DNAH10: variants seen among roughly 807,000 people sequenced by gnomAD.
DNAH10 encodes axonemal beta dynein heavy chain 10.
Under a neutral mutation model 506.6 loss-of-function variants are expected in DNAH10, and 348 were observed. That is an observed-to-expected ratio of 0.69 (90% confidence interval 0.63 to 0.75). The LOEUF is 0.75. Among genes scored for constraint, DNAH10 ranks in the 30% least tolerant of loss-of-function variants. DNAH10 has a pLI of 0.00. For missense variants in DNAH10, 5,179 were observed against 5,787.1 expected (o/e 0.89, Z 3.41); for synonymous variants, 2,059 against 2,198.6 (o/e 0.94, Z 1.78).
intron 47 of DNAH10, among the ~76,000 whole-genome samples, chr12:123,876,810 A>G (rs917167450): frequency 1.3e-5 from 2 of 151,954 alleles, no homozygotes; most frequent in African/African-American, 4.8e-5. Flanking sequence ...AAAAATATGA[A>G]ACATTAGCCA....
At chr12:123,929,172 G>GTC in intron 70 of DNAH10, 103 bp from the exon 71 acceptor site, 3 of 1,210,388 alleles carry the variant, frequency 2.5e-6, no homozygotes, top group Non-Finnish European at 3.5e-6. Context: ...CAGACAGATG[G>GTC]CTCCGTAGAG....
intron 4 of DNAH10, 120 bp downstream of exon 4, chr12:123,773,062 C>A: frequency 1.5e-6 from 1 of 672,970 alleles, no homozygotes; most frequent in Non-Finnish European, 2.5e-6. Flanking sequence ...AGCTCTCTTT[C>A]TTTTCCATAC....
rs1420399934 is a variant in DNAH10, at chr12:123,903,078, G to A, written c.9780G>A (p.Leu3260=). 3.1e-6 allele frequency: 5 copies of A among 1,611,888 alleles called. No homozygotes were observed. Among genetic ancestry groups the A allele is most frequent in the Non-Finnish European group, 4.2e-6 (5 of 1,179,038 alleles). ...MPILEAAKLE[L]QKLDKSDVTE... is the part of the protein sequence containing the mutation. ...TCCTGGAGGCCGCCAAGCTGGAACT[G>A]CAGAAGCTGGACAAGTCGGACGTGA... The change falls in exon 57 of 79, where the codon CTG becomes CTA. Residue 3260 remains leucine, a synonymous_variant. Coordinates refer to ENST00000673944, the MANE Select transcript of DNAH10 (RefSeq NM_001372106.1). This position sits in a 1 kb window ranked among gnomAD's most constrained non-coding sequence, Gnocchi z 4.6.
chr12:123,850,750 GAA>G lies in DNAH10; in HGVS notation c.6103-134_6103-133del. 2.2e-6 allele frequency: 2 copies of G among 928,250 alleles called. No homozygotes were observed. Among genetic ancestry groups the G allele is most frequent in the Non-Finnish European group, 3.1e-6 (2 of 640,160 alleles). The allele number at this position is 928,250 out of a possible 1,614,324, so 57.5% of individuals were successfully genotyped here. A position where few individuals can be genotyped will look rare whatever the true frequency, so the allele number is the denominator to read the frequency against. ...GGCCCTGCATTGAACACCGGGGAGGGAAAAAGAGACAAGTGGTGTTGTCAGCC... is the reference window on the plus strand; with the variant it reads ...GGCCCTGCATTGAACACCGGGGAGGGAAAGAGACAAGTGGTGTTGTCAGCC... On this transcript the variant is annotated intron_variant, in intron 34 of 78. Coordinates refer to ENST00000673944, the MANE Select transcript of DNAH10 (RefSeq NM_001372106.1). This position sits in a 1 kb window ranked among gnomAD's most constrained non-coding sequence, Gnocchi z 5.5.
At position 123,846,220 on chromosome 12, in the gene DNAH10, A is replaced by G; in HGVS notation, c.5814+66A>G. ...GGGCGGGGCATTTTCTCTAAGCTTG[A>G]GGTGTGATGACTGCAGTGATTGAAA... is the stretch of plus-strand genomic sequence containing the variant. On this transcript the variant is annotated intron_variant, in intron 32 of 78. Coordinates refer to ENST00000673944, the MANE Select transcript of DNAH10 (RefSeq NM_001372106.1). This position sits in a 1 kb window ranked among gnomAD's most constrained non-coding sequence, Gnocchi z 4.5. The G allele has an allele frequency of 3.9e-6, 6 of 1,533,104 alleles. No individual in the cohort carries two copies. Among genetic ancestry groups the G allele is most frequent in the Middle Eastern group, 2.0e-4 (1 of 4,906 alleles). 95.0% of individuals were successfully genotyped at this position (1,533,104 alleles called of 1,614,324 possible).
intron 35 of DNAH10, 40 bp downstream of exon 35, chr12:123,851,116 T>C (rs750898341): frequency 2.6e-6 from 4 of 1,530,218 alleles, no homozygotes; most frequent in Non-Finnish European, 2.6e-6. Context: ...CAGTGCAGAC[T>C]TCACCCGGGT....
chr12:123,909,371 C>G lies in DNAH10; in HGVS notation c.9926C>G (p.Pro3309Arg). Reference sequence around the variant, plus strand: ...ACAGCCAAGGGCGTGATGTCCGACCCGAATTTCCTGCGGTCTCTGATGGAG... The same window carrying G: ...ACAGCCAAGGGCGTGATGTCCGACCGGAATTTCCTGCGGTCTCTGATGGAG... Reference protein sequence around the residue: ...WKTAKGVMSDPNFLRSLMEID... With the variant: ...WKTAKGVMSDRNFLRSLMEID... The change falls in exon 58 of 79, where the codon CCG becomes CGG. Residue 3309 changes from proline (P) to arginine (R), a missense_variant. Pro to Arg is a moderately radical substitution (Grantham distance 103). Around this residue, in one of 3 missense-constraint regions of DNAH10, gnomAD observed 4,844 missense variants for 5,430.5 expected, o/e 0.89. Coordinates refer to ENST00000673944, the MANE Select transcript of DNAH10 (RefSeq NM_001372106.1). The surrounding 1 kb of genome is among the most constrained non-coding windows in gnomAD (Gnocchi z 5.4). 1 of 1,611,656 alleles carries G rather than the reference C, an allele frequency of 6.2e-7. No individual in the cohort carries two copies. The highest frequency in any genetic ancestry group is 8.5e-7 in the Non-Finnish European group (1 of 1,178,932).
intron 57 of DNAH10, among the ~76,000 whole-genome samples, chr12:123,904,017 T>C (rs1953659242): frequency 6.6e-6 from 1 of 152,154 alleles, no homozygotes; most frequent in African/African-American, 2.4e-5. Flanking sequence ...CTGTGCTTCC[T>C]ATTTCTCTGC....
At position 123,935,529 on chromosome 12, in the gene DNAH10, C is replaced by CAGAA; in HGVS notation, c.*51_*52insAAGA. The CAGAA allele has an allele frequency of 6.5e-7, 1 of 1,546,458 alleles. No homozygotes were observed. Among genetic ancestry groups the CAGAA allele is most frequent in the Non-Finnish European group, 8.8e-7 (1 of 1,130,558 alleles). On this transcript the variant is annotated 3_prime_UTR_variant, in exon 79 of 79. Transcript: ENST00000673944. ...TAATGAATTCGGAGCCTGGGGTTGT[C>CAGAA]AGAGTGATCGGGTCTGCTGTCATTT...
intron 23 of DNAH10, 107 bp downstream of exon 23, chr12:123,819,357 AT>A: frequency 1.3e-6 from 1 of 791,658 alleles, no homozygotes; most frequent in Non-Finnish European, 2.0e-6. Context: ...TGATTAAAAT[AT>A]TTATTTCTTC....
intron 65 of DNAH10, among the ~76,000 whole-genome samples, chr12:123,921,334 C>T (rs1438622081): frequency 2.0e-5 from 3 of 152,218 alleles, no homozygotes; most frequent in Admixed American, 6.5e-5. Flanking sequence ...GTCGTGAAAA[C>T]GTTCACTGAA....
chr12:123,826,729 A>G lies in DNAH10; in HGVS notation c.4222A>G (p.Asn1408Asp). Residue 1408 changes from asparagine to aspartate, a missense_variant, in exon 25 of 79, where the codon AAT (asparagine) becomes GAT (aspartate). This residue lies in a region of DNAH10 where 4,844 missense variants were observed against 5,430.5 expected (regional missense o/e 0.89). Coordinates refer to ENST00000673944, the MANE Select transcript of DNAH10 (RefSeq NM_001372106.1). ...GTCTCAGACCCTTTGGATCAACCTGAATGTGCAGATTCTCCAGGAAGGAAT... is the reference window on the plus strand; with the variant it reads ...GTCTCAGACCCTTTGGATCAACCTGGATGTGCAGATTCTCCAGGAAGGAAT... ...EWSQTLWINL[N>D]VQILQEGIEG... 3 of 1,613,850 alleles carry G rather than the reference A, an allele frequency of 1.9e-6. No individual in the cohort carries two copies. Among genetic ancestry groups the G allele is most frequent in the Non-Finnish European group, 2.5e-6 (3 of 1,179,758 alleles).
At position 123,907,500 on chromosome 12, in the gene DNAH10, A is replaced by G. The variant is rs76020386; in HGVS notation, c.9816-1761A>G. Among the ~76,000 whole-genome samples, 2,811 of 152,258 alleles carry G rather than the reference A, an allele frequency of 0.018. 89 individuals are homozygous for G. The highest frequency in any genetic ancestry group is 0.063 in the African/African-American group (2,624 of 41,518). On this transcript the variant is annotated intron_variant, in intron 57 of 78. Coordinates refer to ENST00000673944, the MANE Select transcript of DNAH10 (RefSeq NM_001372106.1). This position sits in a 1 kb window ranked among gnomAD's most constrained non-coding sequence, Gnocchi z 4.4. ...GTCATCCGGCATTGTGGAAAGTGGT[A>G]TGTTCTGGATAAGTGAGATCCCAGA...
At position 123,813,864 on chromosome 12, in the gene DNAH10, T is replaced by C. The variant is rs1376130477; in HGVS notation, c.3732T>C (p.Tyr1244=). The change falls in exon 21 of 79, where the codon TAT becomes TAC. Residue 1244 remains tyrosine (Y), a synonymous_variant. Transcript: ENST00000673944. ...AATCTCTAGTCATGGAACTCAGATA[T>C]AGGGACGTCCAGGAGCGATACCGTA... ...RSKSLVMELR[Y]RDVQERYRTM... The C allele has an allele frequency of 7.4e-6, 12 of 1,612,318 alleles. No individual in the cohort carries two copies. In the South Asian group the frequency reaches 8.8e-5, roughly 12 times the overall value.
chr12:123,931,319 C>T lies in DNAH10; in HGVS notation c.12785-22C>T, dbSNP rs754677824. 13 of 1,612,462 alleles carry T rather than the reference C, an allele frequency of 8.1e-6. No individual in the cohort carries two copies. The Admixed American group carries it at 1.2e-4, about 14-fold the overall frequency. Reference sequence around the variant, plus strand: ...CACAGGTGGCTGGACAGTGCCACCTCCGTTGTTCTCTGTGATTGCAGAAGC... The same window carrying T: ...CACAGGTGGCTGGACAGTGCCACCTTCGTTGTTCTCTGTGATTGCAGAAGC... On this transcript the variant is annotated intron_variant, in intron 73 of 78. Transcript: ENST00000673944.
chr12:123,811,738 T>C (rs1326826442), intron 19 of DNAH10, among the ~76,000 whole-genome samples: 2 of 152,012 alleles, frequency 1.3e-5, no homozygotes, highest in Non-Finnish European at 1.5e-5. Context: ...CTCCTGACCT[T>C]GTGATCCGCC....
At position 123,780,464 on chromosome 12, in the gene DNAH10, C is replaced by T. The variant is rs553999920; in HGVS notation, c.622-616C>T. ...TACAGGCATGAGCCACCGCAGCCAG[C>T]TCCCTGTGCCACAGTTTGTAACTTC... On this transcript the variant is annotated intron_variant, in intron 5 of 78. Coordinates refer to ENST00000673944, the MANE Select transcript of DNAH10 (RefSeq NM_001372106.1). Among the ~76,000 whole-genome samples the T allele has an allele frequency of 3.9e-5, 6 of 152,114 alleles. No individual in the cohort carries two copies. In the East Asian group the frequency reaches 9.7e-4, roughly 25 times the overall value.
At chr12:123,807,321 A>T (rs1958719694) in intron 18 of DNAH10, among the ~76,000 whole-genome samples, 1 of 152,166 alleles carries the variant, frequency 6.6e-6, no homozygotes, top group Admixed American at 6.5e-5. Context: ...CAGTTTCTCT[A>T]ACCTCATAGA....
chr12:123,921,329 G>A (rs904108494), intron 65 of DNAH10, among the ~76,000 whole-genome samples: 1 of 152,320 alleles, frequency 6.6e-6, no homozygotes, highest in South Asian at 2.1e-4. Context: ...CATTCGTCGT[G>A]AAAACGTTCA....
Sources: gnomAD v4.1 joint callset for allele counts (sites outside exome capture counted in the v4.1 genomes callset) on GRCh38, gnomAD v4.1.1 for gene constraint, gnomAD v4.1.1 regional missense constraint, Gnocchi (gnomAD v3.1) non-coding constraint, MANE v1.5 for transcripts, NCBI Gene and HGNC (gene_info 2026-07-23, HGNC 2026-07-21) for gene names.